The following KIF19 variants were observed in gnomAD, a reference collection of about 807,000 sequenced individuals.
KIF19 encodes kinesin family member 19, also known as kinesin-like protein KIF19.
Under a neutral mutation model 106.6 loss-of-function variants are expected in KIF19, and 98 were observed. The observed-to-expected ratio is 0.92, with a 90% CI of 0.78 to 1.09. The LOEUF is 1.09. Among genes scored for constraint, KIF19 ranks in the 50% least tolerant of loss-of-function variants. The probability of loss-of-function intolerance (pLI) is 0.00; values close to 1 mark genes in which losing one functional copy is unlikely to be tolerated. For synonymous variants in KIF19, 516 were observed against 584.2 expected, an observed-to-expected ratio of 0.88 and a Z score of 1.68; for missense variants, 1,373 against 1,414.3, an observed-to-expected ratio of 0.97 and a Z score of 0.47.
intron 14 of KIF19, among the ~76,000 whole-genome samples, 162 bp from the exon 15 acceptor site, chr17:74,352,659 G>A (rs1348871273): frequency 1.3e-5 from 2 of 152,164 alleles, no homozygotes; most frequent in African/African-American, 2.4e-5. Context: ...AAGCCTAGCA[G>A]ACCACAGCTT....
intron 5 of KIF19, 124 bp from the exon 6 acceptor site, chr17:74,344,099 C>A: frequency 2.2e-6 from 2 of 915,228 alleles, no homozygotes; most frequent in South Asian, 3.7e-5. Flanking sequence ...CTGAGAAGAG[C>A]CTGGGCTCAG....
intron 4 of KIF19, 50 bp downstream of exon 4, chr17:74,342,767 C>A (rs1598385301): frequency 1.3e-6 from 2 of 1,523,724 alleles, no homozygotes; most frequent in East Asian, 2.3e-5. Flanking sequence ...CCCCTGTAAT[C>A]CCCGTCACCC....
intron 1 of KIF19, among the ~76,000 whole-genome samples, chr17:74,326,687 C>G (rs982460228): frequency 3.3e-5 from 5 of 152,278 alleles, no homozygotes; most frequent in African/African-American, 1.2e-4. Flanking sequence ...TCTCGGCTCT[C>G]TCATCCAGAA....
intron 1 of KIF19, among the ~76,000 whole-genome samples, chr17:74,327,646 T>C (rs560072873): frequency 6.6e-6 from 1 of 152,318 alleles, no homozygotes; most frequent in East Asian, 1.9e-4. Context: ...CTAATTTTTG[T>C]ATTTTTAGTA....
Position 74,343,027 on chromosome 17 carries a change from G to C in KIF19, c.323G>C (p.Cys108Ser). 1 of 1,605,356 alleles carries C rather than the reference G, an allele frequency of 6.2e-7. No individual in the cohort carries two copies. The highest frequency in any genetic ancestry group is 8.5e-7 in the Non-Finnish European group (1 of 1,176,768). The part of the protein sequence containing the change: ...ATVFAYGPTG[C>S]GKTYTMLGTD... The stretch of plus-strand genomic sequence containing the variant: ...CCTCCACCTTGTTCTGCCCCAGGCT[G>C]TGGGAAAACCTACACCATGCTGGGC... Residue 108 changes from cysteine (C) to serine (S), a missense_variant, in exon 5 of 20, where the codon TGT becomes TCT. Coordinates refer to ENST00000389916, the MANE Select transcript of KIF19 (RefSeq NM_153209.4).
intron 2 of KIF19, among the ~76,000 whole-genome samples, chr17:74,338,254 C>T (rs2054270416): frequency 6.6e-6 from 1 of 152,232 alleles, no homozygotes; most frequent in Admixed American, 6.5e-5. Context: ...TGGTTGCATC[C>T]CATGGGGACC....
chr17:74,345,811 CAG>C (rs1278189970), intron 7 of KIF19, among the ~76,000 whole-genome samples: 1 of 152,096 alleles, frequency 6.6e-6, no homozygotes, highest in Non-Finnish European at 1.5e-5. Flanking sequence ...GGAAGGCACA[CAG>C]GGGAGAGGCC....
intron 6 of KIF19, 57 bp downstream of exon 6, chr17:74,344,405 C>T: frequency 6.3e-7 from 1 of 1,584,110 alleles, no homozygotes; most frequent in Non-Finnish European, 8.6e-7. Context: ...GCCTGAGGGG[C>T]AGGAGGGGCG....
At chr17:74,345,952 C>G (rs1422203083) in intron 7 of KIF19, among the ~76,000 whole-genome samples, 1 of 152,130 alleles carries the variant, frequency 6.6e-6, no homozygotes, top group Non-Finnish European at 1.5e-5. Context: ...CCTGCAGGCC[C>G]AAGAAAAGGA....
intron 1 of KIF19, among the ~76,000 whole-genome samples, chr17:74,328,137 A>G (rs897003984): frequency 1.3e-5 from 2 of 152,060 alleles, no homozygotes; most frequent in Non-Finnish European, 2.9e-5. Context: ...AGCCCAGGGG[A>G]GCTGCGAGTG....
intron 1 of KIF19, among the ~76,000 whole-genome samples, chr17:74,326,664 G>T (rs1307648836): frequency 6.6e-6 from 1 of 151,886 alleles, no homozygotes; most frequent in African/African-American, 2.4e-5. Context: ...CCCCCAAAGC[G>T]TGCGCAGATG....
Position 74,328,452 on chromosome 17 carries a change from G to A in KIF19, c.67G>A (p.Val23Met), listed in dbSNP as rs553967354. Residue 23 changes from valine (V) to methionine (M), a missense_variant, in exon 2 of 20, where the codon GTG becomes ATG. Around this residue, in one of 3 missense-constraint regions of KIF19, gnomAD observed 348 missense variants for 389.5 expected, o/e 0.89. Coordinates refer to ENST00000389916, the MANE Select transcript of KIF19 (RefSeq NM_153209.4). ...MVALRVRPIS[V>M]AELEEGATLI... ...GGCGCTTCGGGTCCGGCCCATCAGC[G>A]TGGCAGAGCTGGAGGAAGGAGCTAC... 1.2e-5 allele frequency: 20 copies of A among 1,611,204 alleles called. No individual in the cohort carries two copies. The South Asian group carries it at 1.4e-4, about 12-fold the overall frequency.
chr17:74,327,575 C>T (rs983366770), intron 1 of KIF19, among the ~76,000 whole-genome samples: 2 of 152,178 alleles, frequency 1.3e-5, no homozygotes, highest in Non-Finnish European at 2.9e-5. Context: ...CAAGTTCAAG[C>T]GATTCTCCTG....
rs771403100 is a variant in KIF19 at position 74,354,302 on chromosome 17, G to C, written c.2449G>C (p.Glu817Gln). ...CAGCCTGTCCCTGCACTCACTGAGC[G>C]AGGGCGACGATGCGCGGCCACCAGG... The part of the protein sequence containing the change: ...RSSLSLHSLS[E>Q]GDDARPPGPL... The change falls in exon 18 of 20, where the codon GAG (glutamate) becomes CAG (glutamine). Residue 817 changes from glutamate to glutamine, a missense_variant. This residue lies in a region of KIF19 where 1,020 missense variants were observed against 1,008.2 expected (regional missense o/e 1.01). Transcript: ENST00000389916. 6.2e-7 allele frequency: 1 copy of C among 1,608,514 alleles called. No individual in the cohort carries two copies. Among genetic ancestry groups the C allele is most frequent in the South Asian group, 1.1e-5 (1 of 90,898 alleles).
chr17:74,352,056 C>T lies in KIF19; in HGVS notation c.1777C>T (p.Arg593Cys), dbSNP rs199765348. The change falls in exon 13 of 20, where the codon CGC becomes TGC. Residue 593 changes from arginine to cysteine, a missense_variant. By Grantham distance (180) the Arg-to-Cys change is radical. Transcript: ENST00000389916. ...ALLRDGALRH[R>C]HEAVRRLEQH... ...GCTCCGCGACGGTGCGCTCCGCCAC[C>T]GCCACGAGGCCGTGCGCCGCCTGGA... The T allele has an allele frequency of 5.2e-5, 82 of 1,586,818 alleles. No individual in the cohort carries two copies. In the Admixed American group the frequency reaches 6.4e-4, roughly 12 times the overall value.
Position 74,352,346 on chromosome 17 carries a change from T to A in KIF19, c.1980+6T>A. Reference sequence around the variant, plus strand: ...TGGCCTCCAGGGCCCTGCAGGTGGGTGGGCGCCTGGGCGGCCTGAACATGG... The same window carrying A: ...TGGCCTCCAGGGCCCTGCAGGTGGGAGGGCGCCTGGGCGGCCTGAACATGG... On this transcript the variant is annotated splice_donor_region_variant and intron_variant, in intron 14 of 19. Transcript: ENST00000389916. The A allele has an allele frequency of 6.2e-7, 1 of 1,600,744 alleles. No homozygotes were observed. Among genetic ancestry groups the A allele is most frequent in the Non-Finnish European group, 8.5e-7 (1 of 1,174,914 alleles).
intron 2 of KIF19, among the ~76,000 whole-genome samples, chr17:74,334,026 T>A (rs1461153527): frequency 1.3e-5 from 2 of 151,932 alleles, no homozygotes; most frequent in Admixed American, 1.3e-4. Context: ...GGTCTGGCTA[T>A]CTTGCCCAGG....
Position 74,346,396 on chromosome 17 carries a change from C to G in KIF19, c.796C>G (p.Arg266Gly). 1 of 1,576,054 alleles carries G rather than the reference C, an allele frequency of 6.3e-7. No individual in the cohort carries two copies. The highest frequency in any genetic ancestry group is 8.6e-7 in the Non-Finnish European group (1 of 1,161,146). ...RASQTQNRGQRMKEGAHINRS... is the reference protein window; with the variant it reads ...RASQTQNRGQGMKEGAHINRS... ...CCCCTAGACACAGAATCGTGGGCAG[C>G]GTATGAAGGAGGGGGCCCACATCAA... Residue 266 changes from arginine (R) to glycine (G), a missense_variant, in exon 8 of 20, where the codon CGT (arginine) becomes GGT (glycine). Physicochemically the swap from Arg to Gly is moderately radical, Grantham distance 125. Transcript: ENST00000389916. The surrounding 1 kb of genome is among the most constrained non-coding windows in gnomAD (Gnocchi z 4.6).
Position 74,349,311 on chromosome 17 carries a change from G to C in KIF19, c.1175G>C (p.Arg392Pro), listed in dbSNP as rs201490676. Reference sequence around the variant, plus strand: ...GAGCAGACTGGGCGGGGCCAGGCCCGGGGCCGGCAGGATCGGGGTGACATC... The same window carrying C: ...GAGCAGACTGGGCGGGGCCAGGCCCCGGGCCGGCAGGATCGGGGTGACATC... Reference protein sequence around the residue: ...IDEQTGRGQARGRQDRGDIRH... With the variant: ...IDEQTGRGQAPGRQDRGDIRH... The change falls in exon 10 of 20, where the codon CGG (arginine) becomes CCG (proline). Residue 392 changes from arginine (R) to proline (P), a missense_variant. Arg to Pro is a moderately radical substitution (Grantham distance 103). Coordinates refer to ENST00000389916, the MANE Select transcript of KIF19 (RefSeq NM_153209.4). 4 of 1,608,822 alleles carry C rather than the reference G, an allele frequency of 2.5e-6. No individual in the cohort carries two copies. The highest frequency in any genetic ancestry group is 2.2e-5 in the East Asian group (1 of 44,768).
Sources: gnomAD v4.1 joint callset for allele counts (sites outside exome capture counted in the v4.1 genomes callset) on GRCh38, gnomAD v4.1.1 for gene constraint, gnomAD v4.1.1 regional missense constraint, Gnocchi (gnomAD v3.1) non-coding constraint, MANE v1.5 for transcripts, NCBI Gene and HGNC (gene_info 2026-07-23, HGNC 2026-07-21) for gene names.